The following CES4A variants were observed in gnomAD, a reference collection of about 807,000 sequenced individuals.
The protein encoded by CES4A is carboxylesterase 4A, also known as carboxylesterase 6.
Under a neutral mutation model 65.4 loss-of-function variants are expected in CES4A, and 48 were observed. That is an observed-to-expected ratio of 0.73 (90% CI 0.58 to 0.93). The LOEUF (loss-of-function observed/expected upper bound fraction) is 0.93, where lower values mean the gene tolerates loss of function less well. CES4A is among the 40% of genes least tolerant of loss of function. The pLI is 0.00. For synonymous variants in CES4A, 247 were observed against 281.8 expected (o/e 0.88, Z 1.24); for missense variants, 685 against 728.5 (o/e 0.94, Z 0.69).
At chr16:67,005,477 C>T (rs78240458) in intron 11 of CES4A, 84 bp downstream of exon 11, 3 of 1,297,986 alleles carry the variant, frequency 2.3e-6, no homozygotes, top group East Asian at 4.7e-5. Context: ...ATCGACTGCT[C>T]CCCTACCCTC....
rs1479321857 is a variant in CES4A at position 67,001,657 on chromosome 16, G to A, written c.690+196G>A. On this transcript the variant is annotated intron_variant, in intron 5 of 13. Transcript: ENST00000648724. The surrounding 1 kb of genome is among the most constrained non-coding windows in gnomAD (Gnocchi z 4.1). ...CTCTGTTGAGGGATAGCACTGATGA[G>A]AAAACTGAGCCCCAGGAAGGGTAGT... Among the ~76,000 whole-genome samples the A allele has an allele frequency of 7.9e-5, 12 of 152,240 alleles. No individual in the cohort carries two copies. Among genetic ancestry groups the A allele is most frequent in the Admixed American group, 7.2e-4 (11 of 15,290 alleles).
At chr16:66,992,152 C>A (rs1444414686) in intron 1 of CES4A, among the ~76,000 whole-genome samples, 1 of 152,214 alleles carries the variant, frequency 6.6e-6, no homozygotes, top group Non-Finnish European at 1.5e-5. Flanking sequence ...GTCACGGCCC[C>A]CCTCTGGGTC....
At chr16:66,994,901 G>C (rs1964704036) in intron 1 of CES4A, among the ~76,000 whole-genome samples, 1 of 151,974 alleles carries the variant, frequency 6.6e-6, no homozygotes, top group South Asian at 2.1e-4. Context: ...CTACTCAGGA[G>C]GCTGGAGCAG....
chr16:66,990,042 CTTTT>C (rs1313891372), intron 1 of CES4A, among the ~76,000 whole-genome samples: 1 of 141,574 alleles, frequency 7.1e-6, no homozygotes. Context: ...TTCTTTTCAT[CTTTT>C]CTTTTTTTTT....
At chr16:67,004,938 C>T in intron 10 of CES4A, 65 bp downstream of exon 10, 1 of 1,252,346 alleles carries the variant, frequency 8.0e-7, no homozygotes. Context: ...TTTTTTTAAC[C>T]TAGTAGCTGC....
At chr16:66,996,103 T>C (rs529787997) in intron 2 of CES4A, 3 of 544,126 alleles carry the variant, frequency 5.5e-6, no homozygotes, top group African/African-American at 3.7e-5. Context: ...AGTGGCACGA[T>C]CTCGGCTCAC....
Position 67,000,605 on chromosome 16 carries a change from C to T in CES4A, c.261-33C>T. On this transcript the variant is annotated intron_variant, in intron 2 of 13. Transcript: ENST00000648724. The surrounding 1 kb of genome is among the most constrained non-coding windows in gnomAD (Gnocchi z 4.2). ...GCGGACCCTGGATTGAAACGATCTCCCCGCGGCCGCCGCCGCTACCTGGTG... is the reference window on the plus strand; with the variant it reads ...GCGGACCCTGGATTGAAACGATCTCTCCGCGGCCGCCGCCGCTACCTGGTG... 1 of 1,530,426 alleles carries T rather than the reference C, an allele frequency of 6.5e-7. No individual in the cohort carries two copies. Among genetic ancestry groups the T allele is most frequent in the Non-Finnish European group, 8.8e-7 (1 of 1,135,456 alleles). The allele number at this position is 1,530,426 out of a possible 1,614,324, so 94.8% of individuals were successfully genotyped here. A position where few individuals can be genotyped will look rare whatever the true frequency, so the allele number is the denominator to read the frequency against.
exon 14 of CES4A, chr16:67,009,381 G>A (rs1966013966): frequency 8.7e-6 from 4 of 460,542 alleles, no homozygotes; most frequent in Non-Finnish European, 1.2e-5. Flanking sequence ...CATCCAGTTA[G>A]GCCAGGCCCT....
At chr16:66,989,098 T>C (rs74886558) in intron 1 of CES4A, among the ~76,000 whole-genome samples, 3,284 of 152,280 alleles carry the variant, frequency 0.022, 91 homozygotes, top group South Asian at 0.075. Context: ...CCACATCTTT[T>C]CTTCCTTCCC....
At position 67,003,455 on chromosome 16, in the gene CES4A, T is replaced by C; in HGVS notation, c.901-60T>C. 1 of 1,593,456 alleles carries C rather than the reference T, an allele frequency of 6.3e-7. No homozygotes were observed. The highest frequency in any genetic ancestry group is 8.6e-7 in the Non-Finnish European group (1 of 1,161,326). On this transcript the variant is annotated intron_variant, in intron 7 of 13. Coordinates refer to ENST00000648724, the Ensembl canonical transcript of CES4A. This position sits in a 1 kb window ranked among gnomAD's most constrained non-coding sequence, Gnocchi z 4.2. ...CCCCCAACTACTTCCCCAGGGACCC[T>C]GTCTCAAGAGCACACGAGGGAGACT...
At chr16:66,995,720 T>C (rs1964792840) in exon 2 of CES4A, 2 of 1,614,084 alleles carry the variant, frequency 1.2e-6, no homozygotes, top group Non-Finnish European at 1.7e-6. Context: ...CATCCAAGTC[T>C]TTTTAGGAGT....
chr16:66,991,620 G>A (rs1388454991), intron 1 of CES4A, among the ~76,000 whole-genome samples: 6 of 152,216 alleles, frequency 3.9e-5, no homozygotes, highest in Non-Finnish European at 1.5e-5. Context: ...CAGGGGTCTA[G>A]AGCACTCTGC....
chr16:67,009,870 C>A (rs1966043566), downstream of CES4A: 1 of 152,232 alleles, frequency 6.6e-6, no homozygotes, highest in Admixed American at 6.5e-5. Context: ...AAGGGTGCTA[C>A]TGCAAAGTTG....
chr16:66,998,741 C>CCTCATA (rs1391815143), intron 2 of CES4A, among the ~76,000 whole-genome samples: 1 of 152,020 alleles, frequency 6.6e-6, no homozygotes, highest in African/African-American at 2.4e-5. Context: ...GTGGCATGTG[C>CCTCATA]CTCAGGAGGC....
chr16:66,994,502 C>T (rs1156999447), intron 1 of CES4A, among the ~76,000 whole-genome samples: 1 of 150,668 alleles, frequency 6.6e-6, no homozygotes, highest in African/African-American at 2.4e-5. Flanking sequence ...TGAGCCACCG[C>T]GCGCAGCCGA....
chr16:67,005,184 C>T, intron 10 of CES4A, 56 bp from the exon 11 acceptor site: 1 of 1,586,960 alleles, frequency 6.3e-7, no homozygotes, highest in Non-Finnish European at 8.6e-7. Context: ...ACTGGTGGGC[C>T]CACCTCTGGC....
At chr16:66,996,244 C>T in intron 2 of CES4A, 2 of 351,366 alleles carry the variant, frequency 5.7e-6, no homozygotes, top group South Asian at 2.2e-5. Flanking sequence ...ATTATGTTGG[C>T]CAGGATGGTC....
intron 10 of CES4A, 91 bp from the exon 11 acceptor site, chr16:67,005,149 G>A (rs558484983): frequency 7.3e-5 from 100 of 1,363,502 alleles, no homozygotes; most frequent in South Asian, 5.7e-4. Flanking sequence ...AAAAACTCCT[G>A]GGGGGCTGAG....
At chr16:66,999,702 T>A (rs1194406875) in intron 2 of CES4A, among the ~76,000 whole-genome samples, 1 of 152,140 alleles carries the variant, frequency 6.6e-6, no homozygotes, top group Admixed American at 6.5e-5. Context: ...CTTGCAAGAT[T>A]GAGGTAGGAG....
Sources: gnomAD v4.1 joint callset for allele counts (sites outside exome capture counted in the v4.1 genomes callset) on GRCh38, gnomAD v4.1.1 for gene constraint, Gnocchi (gnomAD v3.1) non-coding constraint, MANE v1.5 for transcripts, NCBI Gene and HGNC (gene_info 2026-07-23, HGNC 2026-07-21) for gene names.